Variants in ZNF330 observed in about 807,000 individuals in gnomAD.
ZNF330 encodes the protein zinc finger protein 330.
Under a neutral mutation model 45.5 loss-of-function variants are expected in ZNF330, and 31 were observed. The observed-to-expected ratio is 0.68, with a 90% CI of 0.51 to 0.92. ZNF330 has a LOEUF of 0.92. Among genes scored for constraint, ZNF330 ranks in the 40% least tolerant of loss-of-function variants. The pLI is 0.00. For missense variants in ZNF330, 356 were observed against 387.4 expected (o/e 0.92, Z 0.68); for synonymous variants, 138 against 123.2 (o/e 1.12, Z -0.79).
intron 9 of ZNF330, 91 bp from the exon 10 acceptor site, chr4:141,233,624 G>A: frequency 1.4e-6 from 2 of 1,457,386 alleles, no homozygotes; most frequent in South Asian, 3.0e-5. Flanking sequence ...GATTGAAGCA[G>A]CCAATGAAAT....
chr4:141,229,460 T>C, intron 5 of ZNF330, 111 bp from the exon 6 acceptor site: 4 of 1,388,282 alleles, frequency 2.9e-6, no homozygotes, highest in Non-Finnish European at 4.0e-6. Context: ...CTACTATCAT[T>C]GAGGGTTGAT....
intron 1 of ZNF330, among the ~76,000 whole-genome samples, chr4:141,221,610 C>T (rs1400831890): frequency 2.6e-5 from 4 of 152,120 alleles, no homozygotes; most frequent in Middle Eastern, 3.4e-3. Flanking sequence ...TTTTCAGTTG[C>T]TACCGTACTG....
chr4:141,226,702 G>T (rs1211586748), intron 4 of ZNF330, 65 bp from the exon 5 acceptor site: 1 of 1,262,346 alleles, frequency 7.9e-7, no homozygotes, highest in Non-Finnish European at 1.1e-6. Context: ...ATAAAAGGAG[G>T]AATTCGTGAG....
At chr4:141,220,568 G>A (rs1310576583), upstream of ZNF330, among the ~76,000 whole-genome samples, 1 of 152,234 alleles carries the variant, frequency 6.6e-6, no homozygotes, top group Non-Finnish European at 1.5e-5. Flanking sequence ...AAGGTGGGAT[G>A]TGAGGCACGC....
Position 141,234,169 on chromosome 4 carries a change from C to A in ZNF330, c.*180C>A. ...ATAGAACTGATAATCAGGCTTATGG[C>A]ATAAGAAAAATGAGTTTCAAATTTA... On this transcript the variant is annotated 3_prime_UTR_variant, in exon 10 of 10. Transcript: ENST00000262990. 1 of 1,170,912 alleles carries A rather than the reference C, an allele frequency of 8.5e-7. No homozygotes were observed. The highest frequency in any genetic ancestry group is 1.1e-6 in the Non-Finnish European group (1 of 903,452). 72.5% of individuals were successfully genotyped at this position (1,170,912 alleles called of 1,614,324 possible). A position where few individuals can be genotyped will look rare whatever the true frequency, so the allele number is the denominator to read the frequency against.
rs1729019526 is a variant in ZNF330, at chr4:141,233,910, C to A, written c.884C>A (p.Ser295Ter). The A allele has an allele frequency of 6.2e-7, 1 of 1,613,712 alleles. No individual in the cohort carries two copies. Among genetic ancestry groups the A allele is most frequent in the South Asian group, 1.1e-5 (1 of 91,036 alleles). Reference protein sequence around the residue: ...DEGRKDSDTESSDLFTNLNLG... With the variant: ...DEGRKDSDTE ...GGCAGAAAGGATTCAGATACTGAGTCATCAGATTTGTTTACTAATTTGAAT... is the reference window on the plus strand; with the variant it reads ...GGCAGAAAGGATTCAGATACTGAGTAATCAGATTTGTTTACTAATTTGAAT... Residue 295 changes from serine to a stop codon, truncating the protein, a stop_gained, in exon 10 of 10, where the codon TCA becomes TAA. Coordinates refer to ENST00000262990, the MANE Select transcript of ZNF330 (RefSeq NM_014487.6). LOFTEE classifies it high-confidence loss of function.
intron 4 of ZNF330, among the ~76,000 whole-genome samples, chr4:141,226,409 C>G (rs546773111): frequency 6.6e-6 from 1 of 152,172 alleles, no homozygotes; most frequent in East Asian, 1.9e-4. Flanking sequence ...AAAAAGCATT[C>G]CTTTAAAAAT....
At chr4:141,222,648 G>T (rs1728710000) in intron 2 of ZNF330, 157 bp downstream of exon 2, 1 of 657,736 alleles carries the variant, frequency 1.5e-6, no homozygotes, top group East Asian at 2.9e-5. Context: ...TCACTGAGTG[G>T]CAGTGATTGT....
chr4:141,223,853 TAGG>T (rs1728741613), intron 2 of ZNF330: 1 of 452,290 alleles, frequency 2.2e-6, no homozygotes, highest in Non-Finnish European at 4.4e-6. Flanking sequence ...TTTCAACAGG[TAGG>T]AGGCACTTTT....
At position 141,233,831 on chromosome 4, in the gene ZNF330, G is replaced by C. The variant is rs1480476689; in HGVS notation, c.805G>C (p.Asp269His). The C allele has an allele frequency of 6.2e-7, 1 of 1,613,764 alleles. No individual in the cohort carries two copies. The highest frequency in any genetic ancestry group is 1.3e-5 in the African/African-American group (1 of 75,006). Reference protein sequence around the residue: ...SDKYGDTSYHDEEEDEYEAED... With the variant: ...SDKYGDTSYHHEEEDEYEAED... Reference sequence around the variant, plus strand: ...TAAGTATGGTGATACCAGCTACCACGATGAGGAGGAGGATGAGTATGAAGC... The same window carrying C: ...TAAGTATGGTGATACCAGCTACCACCATGAGGAGGAGGATGAGTATGAAGC... Residue 269 changes from aspartate (D) to histidine (H), a missense_variant, in exon 10 of 10, where the codon GAT (aspartate) becomes CAT (histidine). Coordinates refer to ENST00000262990, the MANE Select transcript of ZNF330 (RefSeq NM_014487.6).
rs375425014 is a variant in ZNF330, at chr4:141,231,428, A to G, written c.524-11A>G. The stretch of plus-strand genomic sequence containing the variant: ...AATAACGGGATTTTAAAATTAATCT[A>G]TTTCCCACAGGTGTTTCATGCAATC... On this transcript the variant is annotated splice_polypyrimidine_tract_variant and intron_variant, in intron 7 of 9. Transcript: ENST00000262990. The G allele has an allele frequency of 3.2e-5, 51 of 1,589,846 alleles. No individual in the cohort carries two copies. In the African/African-American group the frequency reaches 4.5e-4, roughly 14 times the overall value.
At position 141,234,267 on chromosome 4, in the gene ZNF330, C is replaced by T. The variant is rs966446641; in HGVS notation, c.*278C>T. 2 of 322,834 alleles carry T rather than the reference C, an allele frequency of 6.2e-6. No individual in the cohort carries two copies. The allele number at this position is 322,834 out of a possible 1,614,324, so 20.0% of individuals were successfully genotyped here. A position where few individuals can be genotyped will look rare whatever the true frequency, so the allele number is the denominator to read the frequency against. ...ACTGATTTCAGTAAAGTATGTTTTGCCAATTAGATACATATATACAAGATA... is the reference window on the plus strand; with the variant it reads ...ACTGATTTCAGTAAAGTATGTTTTGTCAATTAGATACATATATACAAGATA... On this transcript the variant is annotated 3_prime_UTR_variant, in exon 10 of 10. Transcript: ENST00000262990.
chr4:141,229,428 TA>T, intron 5 of ZNF330, 142 bp from the exon 6 acceptor site: 1 of 1,083,516 alleles, frequency 9.2e-7, no homozygotes, highest in Non-Finnish European at 1.3e-6. Flanking sequence ...GAGTGAGTAG[TA>T]AAATGTTTAA....
chr4:141,234,500 T>C lies in ZNF330; in HGVS notation c.*511T>C, dbSNP rs1187164527. The C allele has an allele frequency of 6.5e-6, 1 of 152,864 alleles. No homozygotes were observed. Among genetic ancestry groups the C allele is most frequent in the East Asian group, 1.9e-4 (1 of 5,200 alleles). 9.5% of individuals were successfully genotyped at this position (152,864 alleles called of 1,614,324 possible). ...TCACCTTGAGTTGTCATGATAAGTA[T>C]GTTTTAGTATTTGACTTATTCTTCT... On this transcript the variant is annotated 3_prime_UTR_variant, in exon 10 of 10. Coordinates refer to ENST00000262990, the MANE Select transcript of ZNF330 (RefSeq NM_014487.6).
chr4:141,220,983 C>T lies in ZNF330; in HGVS notation c.-132C>T, dbSNP rs537465667. 6.6e-6 allele frequency: 1 copy of T among 152,354 alleles called. No individual in the cohort carries two copies. The highest frequency in any genetic ancestry group is 1.5e-5 in the Non-Finnish European group (1 of 68,120). 9.4% of individuals were successfully genotyped at this position (152,354 alleles called of 1,614,324 possible). On this transcript the variant is annotated 5_prime_UTR_variant, in exon 1 of 10. Transcript: ENST00000262990. Reference sequence around the variant, plus strand: ...CTGTTAGTACCTTCTTTCCCGGAGTCCTGGTCCACGAGTTGGATTTACTGC... The same window carrying T: ...CTGTTAGTACCTTCTTTCCCGGAGTTCTGGTCCACGAGTTGGATTTACTGC...
chr4:141,232,994 C>T lies in ZNF330; in HGVS notation c.688+352C>T, dbSNP rs149901799. On this transcript the variant is annotated intron_variant, in intron 9 of 9. Coordinates refer to ENST00000262990, the MANE Select transcript of ZNF330 (RefSeq NM_014487.6). ...ATTAAAGTGGTGGTAATTTTAAGTA[C>T]CTAGAAGTCAAATTCACTCTGAAGC... Among the ~76,000 whole-genome samples, 351 of 151,810 alleles carry T rather than the reference C, an allele frequency of 2.3e-3. 3 individuals are homozygous for T. Among genetic ancestry groups the T allele is most frequent in the African/African-American group, 8.0e-3 (331 of 41,382 alleles).
At position 141,230,187 on chromosome 4, in the gene ZNF330, CT is replaced by C; in HGVS notation, c.445del (p.Cys149AlafsTer20). On this transcript the variant is annotated frameshift_variant, in exon 7 of 10. Transcript: ENST00000262990. LOFTEE classifies it high-confidence loss of function. ...ATAGGAGGCAGAATATTCAGTTGTT[CT>C]TTTTGCCATAACTTTCTCTGTGAAG... ...WDHGGRIFSC[S>X]FCHNFLCEDD... 2.5e-6 allele frequency: 4 copies of C among 1,609,506 alleles called. No homozygotes were observed. Among genetic ancestry groups the C allele is most frequent in the Non-Finnish European group, 3.4e-6 (4 of 1,177,594 alleles).
chr4:141,230,022 T>C (rs2111256698), intron 6 of ZNF330, 144 bp from the exon 7 acceptor site: 1 of 660,462 alleles, frequency 1.5e-6, no homozygotes, highest in Non-Finnish European at 2.5e-6. Flanking sequence ...GTTTTCATTT[T>C]AGCTTTTATC....
At chr4:141,226,896 A>G (rs1409167268) in intron 5 of ZNF330, 50 bp downstream of exon 5, 1 of 1,434,036 alleles carries the variant, frequency 7.0e-7, no homozygotes, top group Admixed American at 1.9e-5. Flanking sequence ...GGATAAGAAA[A>G]TGTCATTCTG....
Sources: gnomAD v4.1 joint callset for allele counts (sites outside exome capture counted in the v4.1 genomes callset) on GRCh38, gnomAD v4.1.1 for gene constraint, MANE v1.5 for transcripts, NCBI Gene and HGNC (gene_info 2026-07-23, HGNC 2026-07-21) for gene names.